PRKDC: variants seen among roughly 807,000 people sequenced by gnomAD.
PRKDC encodes the protein DNA-dependent protein kinase catalytic subunit.
A neutral mutation model predicts 486.9 loss-of-function variants in PRKDC; 82 were observed. The ratio of observed to expected loss-of-function variants is 0.17; its 90% CI spans 0.14 to 0.20. The LOEUF (loss-of-function observed/expected upper bound fraction) is 0.20, where lower values mean the gene tolerates loss of function less well. PRKDC is among the 10% of genes least tolerant of loss of function. The pLI, the probability that PRKDC is intolerant of heterozygous loss-of-function variation, is 1.00. For missense variants in PRKDC, 4,504 were observed against 5,038.2 expected, an observed-to-expected ratio of 0.89 and a Z score of 3.21; for synonymous variants, 1,895 against 1,837.0, an observed-to-expected ratio of 1.03 and a Z score of -0.81.
intron 77 of PRKDC, among the ~76,000 whole-genome samples, chr8:47,784,308 A>T (rs1479107483): frequency 6.6e-6 from 1 of 152,008 alleles, no homozygotes; most frequent in East Asian, 1.9e-4. Context: ...GGAAGTTAGC[A>T]CTCTATTCTA....
chr8:47,885,872 A>C, intron 36 of PRKDC, 72 bp downstream of exon 36: 1 of 1,465,752 alleles, frequency 6.8e-7, no homozygotes, highest in Non-Finnish European at 9.4e-7. Context: ...AGCCTGGGCG[A>C]AAGTGCAAGA....
intron 30 of PRKDC, among the ~76,000 whole-genome samples, 199 bp downstream of exon 30, chr8:47,896,962 C>T (rs1251768964): frequency 6.6e-6 from 1 of 152,216 alleles, no homozygotes; most frequent in Non-Finnish European, 1.5e-5. Flanking sequence ...TGAGATCATT[C>T]AGACTTAGGA....
intron 73 of PRKDC, among the ~76,000 whole-genome samples, chr8:47,795,502 T>C (rs2086966437): frequency 6.8e-6 from 1 of 146,608 alleles, no homozygotes; most frequent in Non-Finnish European, 1.5e-5. Context: ...TTTTTTTTTT[T>C]TTTCTTTTGA....
At chr8:47,916,037 A>C (rs1306146610) in intron 22 of PRKDC, among the ~76,000 whole-genome samples, 1 of 152,244 alleles carries the variant, frequency 6.6e-6, no homozygotes, top group Non-Finnish European at 1.5e-5. Flanking sequence ...TGGAAACATC[A>C]TGTATTCCTC....
At chr8:47,873,443 C>A (rs978370735) in intron 40 of PRKDC, among the ~76,000 whole-genome samples, 1 of 151,918 alleles carries the variant, frequency 6.6e-6, no homozygotes, top group African/African-American at 2.4e-5. Context: ...GGGAGGGAAG[C>A]TGAGACAGAA....
chr8:47,936,042 C>T, intron 12 of PRKDC, 142 bp from the exon 13 acceptor site: 3 of 874,880 alleles, frequency 3.4e-6, no homozygotes, highest in South Asian at 2.3e-5. Context: ...TGCTGCTTAA[C>T]ATGTATTACT....
In PRKDC at chr8:47,902,574, T is replaced by C. The variant is rs866967844; in HGVS notation, c.3264A>G (p.Glu1088=). ...CTGTTGTGTAGCTTACAAACCTGAA[T>C]TCCCTGTAGATATTATTAAAGGCAA... The part of the protein sequence containing the change: ...ASLAFNNIYR[E]FREEESLVEQ... Residue 1088 remains glutamate (E), a synonymous_variant, in exon 27 of 86, where the codon GAA becomes GAG. Transcript: ENST00000314191. 10 of 1,565,168 alleles carry C rather than the reference T, an allele frequency of 6.4e-6. No individual in the cohort carries two copies. The highest frequency in any genetic ancestry group is 1.7e-4 in the Middle Eastern group (1 of 5,834).
At chr8:47,932,209 G>A (rs1308232743) in intron 16 of PRKDC, among the ~76,000 whole-genome samples, 4 of 151,980 alleles carry the variant, frequency 2.6e-5, no homozygotes, top group African/African-American at 4.8e-5. Flanking sequence ...TCAGCCTCCC[G>A]AGCAGCTGGG....
At chr8:47,941,009 AATCCC>A (rs1212043812) in intron 10 of PRKDC, among the ~76,000 whole-genome samples, 11 of 152,100 alleles carry the variant, frequency 7.2e-5, no homozygotes, top group African/African-American at 2.4e-4. Flanking sequence ...AGGTGCCTAT[AATCCC>A]AACTATTTGG....
intron 54 of PRKDC, among the ~76,000 whole-genome samples, chr8:47,842,398 ATCACC>A (rs1246895448): frequency 5.9e-5 from 9 of 152,152 alleles, no homozygotes; most frequent in African/African-American, 2.2e-4. Context: ...TCTAGTATCC[ATCACC>A]TGTGAAACCC....
At chr8:47,957,752 G>C (rs560695516) in intron 1 of PRKDC, among the ~76,000 whole-genome samples, 2 of 152,232 alleles carry the variant, frequency 1.3e-5, no homozygotes, top group Admixed American at 6.5e-5. Context: ...CTGACCTCAC[G>C]ATCAGCCCGC....
rs2086938062 is a variant in PRKDC at position 47,794,218 on chromosome 8, CGT to C, written c.10670+70_10670+71del. On this transcript the variant is annotated intron_variant, in intron 74 of 85. Coordinates refer to ENST00000314191, the MANE Select transcript of PRKDC (RefSeq NM_006904.7). ...AATTTGAAAACAAATGTAGTGTCCA[CGT>C]GTGTGCTTTAACCACATTTTTATAA... is the stretch of plus-strand genomic sequence containing the variant. 3.2e-6 allele frequency: 4 copies of C among 1,236,492 alleles called. No homozygotes were observed. The East Asian group carries it at 1.0e-4, about 31-fold the overall frequency. 76.6% of individuals were successfully genotyped at this position (1,236,492 alleles called of 1,614,324 possible).
intron 25 of PRKDC, among the ~76,000 whole-genome samples, chr8:47,910,924 T>A (rs1428956152): frequency 6.6e-6 from 1 of 152,150 alleles, no homozygotes; most frequent in Admixed American, 6.5e-5. Context: ...GAGAATAATA[T>A]ATGAAAAAAG....
At chr8:47,797,330 C>T (rs1589702509) in intron 73 of PRKDC, among the ~76,000 whole-genome samples, 1 of 152,158 alleles carries the variant, frequency 6.6e-6, no homozygotes, top group East Asian at 1.9e-4. Flanking sequence ...TATTTGCTCA[C>T]TTATCTTGAA....
At chr8:47,839,640 G>A (rs940189532) in intron 55 of PRKDC, among the ~76,000 whole-genome samples, 1 of 152,152 alleles carries the variant, frequency 6.6e-6, no homozygotes, top group Admixed American at 6.5e-5. Flanking sequence ...ACACACATAT[G>A]TGAAATGAGT....
At position 47,849,098 on chromosome 8, in the gene PRKDC, T is replaced by C. The variant is rs937044965; in HGVS notation, c.7280+56A>G. The C allele has an allele frequency of 1.9e-6, 3 of 1,577,894 alleles. No homozygotes were observed. The African/African-American group carries it at 4.1e-5, about 22-fold the overall frequency. ...TCTTCTTGAGTTGGAGACGTCTTAATAAATTAACGCTTTATGAGCCAGTGG... is the reference window on the plus strand; with the variant it reads ...TCTTCTTGAGTTGGAGACGTCTTAACAAATTAACGCTTTATGAGCCAGTGG... On this transcript the variant is annotated intron_variant, in intron 54 of 85. Transcript: ENST00000314191.
intron 21 of PRKDC, chr8:47,926,774 C>T (rs2090164232): frequency 6.5e-6 from 1 of 152,936 alleles, no homozygotes; most frequent in African/African-American, 2.4e-5. Flanking sequence ...CATTAGTGTG[C>T]TTCACCAGTT....
chr8:47,823,713 A>T, intron 64 of PRKDC, 145 bp downstream of exon 64: 1 of 923,464 alleles, frequency 1.1e-6, no homozygotes, highest in Non-Finnish European at 1.6e-6. Context: ...CTATAAGGAA[A>T]CCAATTTTCT....
At chr8:47,927,483 G>A (rs2090173267) in intron 20 of PRKDC, 130 bp from the exon 21 acceptor site, 1 of 1,113,670 alleles carries the variant, frequency 9.0e-7, no homozygotes, top group Non-Finnish European at 1.3e-6. Flanking sequence ...CCGCTGGAGA[G>A]TTCAGTCCAG....
Sources: allele counts gnomAD v4.1 joint callset (sites outside exome capture counted in the v4.1 genomes callset), GRCh38; gene constraint gnomAD v4.1.1; transcripts MANE v1.5; gene names NCBI Gene and HGNC (gene_info 2026-07-23, HGNC 2026-07-21).